CEP55: variants seen among roughly 807,000 people sequenced by gnomAD.
CEP55 encodes the protein centrosomal protein of 55 kDa.
A neutral mutation model predicts 63.2 loss-of-function variants in CEP55; 57 were observed. The ratio of observed to expected loss-of-function variants is 0.90; its 90% CI spans 0.73 to 1.13. The LOEUF is 1.13. Among genes scored for constraint, CEP55 ranks in the 50% most tolerant of loss-of-function variants. CEP55 has a pLI of 0.00. For missense variants in CEP55, 456 were observed against 518.9 expected (o/e 0.88, Z 1.18); for synonymous variants, 178 against 191.6 (o/e 0.93, Z 0.59).
At chr10:93,507,089 G>T (rs761221978) in intron 4 of CEP55, 33 bp downstream of exon 4, 1 of 1,207,706 alleles carries the variant, frequency 8.3e-7, no homozygotes, top group East Asian at 2.3e-5. Context: ...TATGGGTAAA[G>T]AGGGCTAATT....
At chr10:93,506,222 G>A (rs1421478251) in intron 3 of CEP55, among the ~76,000 whole-genome samples, 3 of 152,172 alleles carry the variant, frequency 2.0e-5, no homozygotes, top group Non-Finnish European at 2.9e-5. Flanking sequence ...GATTATAGGC[G>A]CGAGCCACTG....
chr10:93,524,266 G>T (rs568975555), intron 8 of CEP55, among the ~76,000 whole-genome samples: 2 of 152,026 alleles, frequency 1.3e-5, no homozygotes, highest in Non-Finnish European at 2.9e-5. Context: ...ATATCACACC[G>T]ATCCCACAGA....
In CEP55 at chr10:93,500,210, TAAAG is replaced by T. The variant is rs763122486; in HGVS notation, c.161_164del (p.Lys54ArgfsTer33). The T allele has an allele frequency of 8.1e-6, 13 of 1,612,474 alleles. No homozygotes were observed. Among genetic ancestry groups the T allele is most frequent in the South Asian group, 1.1e-5 (1 of 90,784 alleles). The stretch of plus-strand genomic sequence containing the variant: ...CAAGTGGGAAAGGAAAGCTGACTGA[TAAAG>T]AGAGACACAGACTTTTGGAGGTAAA... On this transcript the variant is annotated frameshift_variant, in exon 2 of 9. Transcript: ENST00000371485. LOFTEE classifies it high-confidence loss of function.
chr10:93,500,099 G>A lies in CEP55; in HGVS notation c.48G>A (p.Ser16=), dbSNP rs764431827. Residue 16 remains serine (S), a synonymous_variant, in exon 2 of 9, where the codon TCG becomes TCA. Coordinates refer to ENST00000371485, the MANE Select transcript of CEP55 (RefSeq NM_018131.5). The stretch of plus-strand genomic sequence containing the variant: ...ATTTAATTAAAAGTAAGTGGGGATC[G>A]AAGCCTAGTAACTCCAAATCCGAAA... ...TKDLIKSKWG[S]KPSNSKSETT... The A allele has an allele frequency of 8.1e-6, 13 of 1,613,126 alleles. No homozygotes were observed. The highest frequency in any genetic ancestry group is 3.3e-5 in the South Asian group (3 of 90,976).
At position 93,521,506 on chromosome 10, in the gene CEP55, T is replaced by TC. The variant is rs561348473; in HGVS notation, c.1191+1701dup. On this transcript the variant is annotated intron_variant, in intron 8 of 8. Coordinates refer to ENST00000371485, the MANE Select transcript of CEP55 (RefSeq NM_018131.5). Reference sequence around the variant, plus strand: ...AGGAGGCCTGCCTGCCTCTGTAGACTCCAACTCTGGGGGCAGGGCATAGCC... The same window carrying TC: ...AGGAGGCCTGCCTGCCTCTGTAGACTCCCAACTCTGGGGGCAGGGCATAGCC... Among the ~76,000 whole-genome samples the TC allele has an allele frequency of 3.9e-5, 6 of 152,264 alleles. No homozygotes were observed. The South Asian group carries it at 1.2e-3, about 32-fold the overall frequency.
chr10:93,513,144 T>C (rs138687751), intron 4 of CEP55, among the ~76,000 whole-genome samples: 6 of 152,294 alleles, frequency 3.9e-5, no homozygotes, highest in African/African-American at 7.2e-5. Flanking sequence ...TCTTAAGCCA[T>C]GTAAAGAGGA....
intron 2 of CEP55, among the ~76,000 whole-genome samples, chr10:93,502,839 C>T (rs756529091): frequency 6.6e-6 from 1 of 152,162 alleles, no homozygotes; most frequent in African/African-American, 2.4e-5. Context: ...TTCTCACCAC[C>T]CTTGATAGAG....
chr10:93,520,047 G>A, intron 8 of CEP55: 1 of 520,830 alleles, frequency 1.9e-6, no homozygotes, highest in Non-Finnish European at 3.5e-6. Context: ...GATGCTGGAG[G>A]CACTAAATAG....
At chr10:93,515,716 C>A (rs768952237) in intron 5 of CEP55, among the ~76,000 whole-genome samples, 161 bp downstream of exon 5, 104 of 152,122 alleles carry the variant, frequency 6.8e-4, no homozygotes, top group Non-Finnish European at 1.4e-3. Flanking sequence ...AGTTTTATTT[C>A]CTAACGTTTT....
At chr10:93,498,108 CGA>C in intron 1 of CEP55, among the ~76,000 whole-genome samples, 1 of 150,088 alleles carries the variant, frequency 6.7e-6, no homozygotes, top group East Asian at 2.0e-4. Flanking sequence ...GGCGACAGAG[CGA>C]GACTCTGCCG....
Position 93,518,877 on chromosome 10 carries a change from G to A in CEP55, c.994G>A (p.Val332Ile). ...KKRSEELLSQ[V>I]QFLYTSLLKQ... ...CATTGGTTCTCTTTATGTCCTACAGGTCCAGTTTCTTTACACATCTCTGCT... is the reference window on the plus strand; with the variant it reads ...CATTGGTTCTCTTTATGTCCTACAGATCCAGTTTCTTTACACATCTCTGCT... Residue 332 changes from valine to isoleucine, a missense_variant and splice_region_variant, in exon 7 of 9, where the codon GTC becomes ATC. Val to Ile is a conservative substitution (Grantham distance 29). Coordinates refer to ENST00000371485, the MANE Select transcript of CEP55 (RefSeq NM_018131.5). The A allele has an allele frequency of 6.2e-7, 1 of 1,603,830 alleles. No homozygotes were observed. The highest frequency in any genetic ancestry group is 8.5e-7 in the Non-Finnish European group (1 of 1,172,464).
intron 8 of CEP55, among the ~76,000 whole-genome samples, chr10:93,527,384 G>A (rs114222015): frequency 0.014 from 2,158 of 152,204 alleles, 46 homozygotes; most frequent in African/African-American, 0.049. Context: ...ATTCGACTCT[G>A]TGTCCTAATA....
At chr10:93,519,592 T>A in intron 7 of CEP55, 90 bp from the exon 8 acceptor site, 2 of 1,384,276 alleles carry the variant, frequency 1.4e-6, no homozygotes, top group East Asian at 4.6e-5. Context: ...AATATTTTCT[T>A]CATGTGCTAA....
At chr10:93,504,101 G>A (rs919211758) in intron 3 of CEP55, among the ~76,000 whole-genome samples, 1 of 152,092 alleles carries the variant, frequency 6.6e-6, no homozygotes, top group Non-Finnish European at 1.5e-5. Flanking sequence ...TATATAGTAG[G>A]TGTTCGGTAA....
Position 93,528,117 on chromosome 10 carries a change from C to A in CEP55, c.1359C>A (p.Arg453=). 4.3e-6 allele frequency: 7 copies of A among 1,613,972 alleles called. No homozygotes were observed. Among genetic ancestry groups the A allele is most frequent in the Non-Finnish European group, 5.9e-6 (7 of 1,179,948 alleles). Residue 453 remains arginine, a synonymous_variant, in exon 9 of 9, where the codon CGC becomes CGA. Coordinates refer to ENST00000371485, the MANE Select transcript of CEP55 (RefSeq NM_018131.5). The part of the protein sequence containing the change: ...CNIQYPATEH[R]DLLVHVEYCS... ...TACAGTATCCAGCCACTGAGCATCG[C>A]GATCTGCTTGTCCATGTGGAATACT...
intron 4 of CEP55, among the ~76,000 whole-genome samples, chr10:93,512,359 A>G (rs2057761457): frequency 6.6e-6 from 1 of 150,974 alleles, no homozygotes; most frequent in Non-Finnish European, 1.5e-5. Flanking sequence ...TACTAAAAAT[A>G]CAAAATTAGC....
rs748356376 is a variant in CEP55, at chr10:93,518,842, G to A, written c.994-35G>A. 5.0e-5 allele frequency: 74 copies of A among 1,493,736 alleles called. No homozygotes were observed. The Admixed American group carries it at 1.2e-3, about 25-fold the overall frequency. 92.5% of individuals were successfully genotyped at this position (1,493,736 alleles called of 1,614,324 possible). A position where few individuals can be genotyped will look rare whatever the true frequency, so the allele number is the denominator to read the frequency against. ...TCCCAGGTCAAGCCGGAAAAGGTTG[G>A]ATGTGACAGCATTGGTTCTCTTTAT... On this transcript the variant is annotated intron_variant, in intron 6 of 8. Coordinates refer to ENST00000371485, the MANE Select transcript of CEP55 (RefSeq NM_018131.5).
At chr10:93,514,005 C>T (rs1488073959) in intron 4 of CEP55, among the ~76,000 whole-genome samples, 4 of 146,874 alleles carry the variant, frequency 2.7e-5, no homozygotes, top group Admixed American at 6.8e-5. Context: ...AGTGCAGTGG[C>T]GCAATCTTGG....
At chr10:93,499,998 T>A (rs1276002934) in intron 1 of CEP55, 42 bp from the exon 2 acceptor site, 1 of 1,384,372 alleles carries the variant, frequency 7.2e-7, no homozygotes, top group East Asian at 2.3e-5. Flanking sequence ...GAGATTTAAA[T>A]TTTTAAACTC....
Sources: allele counts gnomAD v4.1 joint callset (sites outside exome capture counted in the v4.1 genomes callset), GRCh38; gene constraint gnomAD v4.1.1; transcripts MANE v1.5; gene names NCBI Gene and HGNC (gene_info 2026-07-23, HGNC 2026-07-21).